The following PRSS50 variants were observed in gnomAD, a reference collection of about 807,000 sequenced individuals.
PRSS50 encodes serine protease 50, also known as probable threonine protease PRSS50.
Under a neutral mutation model 34.2 loss-of-function variants are expected in PRSS50, and 23 were observed. The observed-to-expected ratio is 0.67, with a 90% confidence interval of 0.48 to 0.95. The LOEUF (loss-of-function observed/expected upper bound fraction) is 0.95. PRSS50 is among the 40% of genes least tolerant of loss of function. The probability of loss-of-function intolerance (pLI) is 0.00; values close to 1 mark genes in which losing one functional copy is unlikely to be tolerated. For synonymous variants in PRSS50, 224 were observed against 211.2 expected, an observed-to-expected ratio of 1.06 and a Z score of -0.53; for missense variants, 484 against 513.4, an observed-to-expected ratio of 0.94 and a Z score of 0.55.
chr3:46,714,122 AG>A (rs1409064988), intron 4 of PRSS50, 95 bp downstream of exon 4: 11 of 1,461,290 alleles, frequency 7.5e-6, no homozygotes, highest in African/African-American at 2.8e-5. Context: ...TCCCTGGGGA[AG>A]GTGCCTCAGA....
chr3:46,712,763 A>T (rs557168192), intron 5 of PRSS50, 138 bp downstream of exon 5: 2 of 761,438 alleles, frequency 2.6e-6, no homozygotes, highest in Admixed American at 7.3e-5. Context: ...CTCCCCCGAC[A>T]TCCTCCATCC....
In PRSS50 at chr3:46,712,162, ACT is replaced by A; in HGVS notation, c.*82_*83del. On this transcript the variant is annotated 3_prime_UTR_variant, in exon 6 of 6. Transcript: ENST00000315170. ...AATTGAGCACCTCATCTCCACCCTG[ACT>A]CTCAGGGCTGTGACAGCTGCACCCA... is the stretch of plus-strand genomic sequence containing the variant. The A allele has an allele frequency of 1.7e-6, 2 of 1,194,316 alleles. No individual in the cohort carries two copies. The highest frequency in any genetic ancestry group is 2.4e-6 in the Non-Finnish European group (2 of 843,642). 74.0% of individuals were successfully genotyped at this position (1,194,316 alleles called of 1,614,324 possible).
intron 5 of PRSS50, 129 bp downstream of exon 5, chr3:46,712,772 C>T: frequency 9.7e-7 from 1 of 1,029,276 alleles, no homozygotes; most frequent in South Asian, 1.6e-5. Context: ...CATCCTCCAT[C>T]CCCATATCCC....
intron 4 of PRSS50, among the ~76,000 whole-genome samples, chr3:46,713,515 C>A (rs73063653): frequency 0.063 from 9,637 of 152,300 alleles, 399 homozygotes; most frequent in East Asian, 0.13. Flanking sequence ...GGCCTAAGCT[C>A]CTGGGAGACA....
rs1416164198 is a variant in PRSS50 at position 46,716,088 on chromosome 3, C to T, written c.308-391G>A. On this transcript the variant is annotated intron_variant, in intron 2 of 5. Transcript: ENST00000315170. This position sits in a 1 kb window ranked among gnomAD's most constrained non-coding sequence, Gnocchi z 4.4. ...CAGCCAAGGCAGAGCTCTCTCCCTC[C>T]TCTGGGAACCCCTTTCTGTGGCTCA... Among the ~76,000 whole-genome samples, 1 of 152,214 alleles carries T rather than the reference C, an allele frequency of 6.6e-6. No homozygotes were observed. Among genetic ancestry groups the T allele is most frequent in the Non-Finnish European group, 1.5e-5 (1 of 68,044 alleles).
chr3:46,714,663 G>A (rs1371138928), intron 3 of PRSS50, among the ~76,000 whole-genome samples, 162 bp from the exon 4 acceptor site: 4 of 152,066 alleles, frequency 2.6e-5, no homozygotes, highest in Non-Finnish European at 4.4e-5. Flanking sequence ...ACATGAACAG[G>A]GCCCTGCACA....
chr3:46,712,992 T>G lies in PRSS50; in HGVS notation c.830A>C (p.Tyr277Ser). The G allele has an allele frequency of 6.2e-7, 1 of 1,614,132 alleles. No homozygotes were observed. Among genetic ancestry groups the G allele is most frequent in the Non-Finnish European group, 8.5e-7 (1 of 1,180,008 alleles). ...ILNNKECDNF[Y>S]HNFTKIPTLV... The stretch of plus-strand genomic sequence containing the variant: ...AGTGGGGATTTTGGTGAAGTTGTGG[T>G]AGAAATTGTCACACTCTTTGTTGTT... The change falls in exon 5 of 6, where the codon TAC becomes TCC. Residue 277 changes from tyrosine (Y) to serine (S), a missense_variant. By Grantham distance (144) the Tyr-to-Ser change is moderately radical. Coordinates refer to ENST00000315170, the MANE Select transcript of PRSS50 (RefSeq NM_013270.5).
At chr3:46,714,118 G>A in intron 4 of PRSS50, 100 bp downstream of exon 4, 2 of 1,453,908 alleles carry the variant, frequency 1.4e-6, no homozygotes, top group East Asian at 2.4e-5. Flanking sequence ...AGGCTCCCTG[G>A]GGAAGGTGCC....
chr3:46,714,250 G>A lies in PRSS50; in HGVS notation c.722C>T (p.Thr241Ile). 6.2e-7 allele frequency: 1 copy of A among 1,614,134 alleles called. No individual in the cohort carries two copies. The highest frequency in any genetic ancestry group is 8.5e-7 in the Non-Finnish European group (1 of 1,180,038). ...DYVLKDHSRC[T>I]VTGWGLSKAD... ...CTTGGAAAGTCCCCAGCCCGTCACA[G>A]TGCAGCGGGAATGGTCCTTCAACAC... Residue 241 changes from threonine (T) to isoleucine (I), a missense_variant, in exon 4 of 6, where the codon ACT becomes ATT. Coordinates refer to ENST00000315170, the MANE Select transcript of PRSS50 (RefSeq NM_013270.5).
In PRSS50 at chr3:46,712,939, T is replaced by C. The variant is rs1372910442; in HGVS notation, c.883A>G (p.Met295Val). 2 of 1,614,026 alleles carry C rather than the reference T, an allele frequency of 1.2e-6. No homozygotes were observed. The highest frequency in any genetic ancestry group is 3.3e-5 in the Admixed American group (2 of 59,994). The change falls in exon 5 of 6, where the codon ATG becomes GTG. Residue 295 changes from methionine to valine, a missense_variant. Coordinates refer to ENST00000315170, the MANE Select transcript of PRSS50 (RefSeq NM_013270.5). ...TCCCTGTGGGTGTCCTCCGCACACA[T>C]CATCTGGGACTTGATGATCTGAACC... is the stretch of plus-strand genomic sequence containing the variant. ...TLVQIIKSQM[M>V]CAEDTHREKF...
chr3:46,714,164 C>T (rs1420466678), intron 4 of PRSS50, 54 bp downstream of exon 4: 4 of 1,578,024 alleles, frequency 2.5e-6, no homozygotes, highest in South Asian at 1.2e-5. Context: ...CCCTGGCCTG[C>T]ACCCACGTCC....
Position 46,717,843 on chromosome 3 carries a change from T to C in PRSS50, c.-19A>G. On this transcript the variant is annotated 5_prime_UTR_variant, in exon 1 of 6. Transcript: ENST00000315170. The surrounding 1 kb of genome is among the most constrained non-coding windows in gnomAD (Gnocchi z 4.5). ...GACCCATCCCGGGGTGGCAGCCGAC[T>C]GCGTCTCTCCGGAAGGCGCTCCCAG... is the stretch of plus-strand genomic sequence containing the variant. 6.8e-7 allele frequency: 1 copy of C among 1,479,654 alleles called. No individual in the cohort carries two copies. Among genetic ancestry groups the C allele is most frequent in the Non-Finnish European group, 8.9e-7 (1 of 1,117,668 alleles). The allele number at this position is 1,479,654 out of a possible 1,614,324, so 91.7% of individuals were successfully genotyped here.
At position 46,715,793 on chromosome 3, in the gene PRSS50, AC is replaced by A; in HGVS notation, c.308-97del. On this transcript the variant is annotated intron_variant, in intron 2 of 5. Coordinates refer to ENST00000315170, the MANE Select transcript of PRSS50 (RefSeq NM_013270.5). The surrounding 1 kb of genome is among the most constrained non-coding windows in gnomAD (Gnocchi z 5.2). Reference sequence around the variant, plus strand: ...CGTGCCTCTCCAGCCACTGGCCTGCACCCATCCAGGGGTGCTCCCTTTTCAC... The same window carrying A: ...CGTGCCTCTCCAGCCACTGGCCTGCACCATCCAGGGGTGCTCCCTTTTCAC... The A allele has an allele frequency of 7.3e-7, 1 of 1,368,470 alleles. No individual in the cohort carries two copies. Among genetic ancestry groups the A allele is most frequent in the Non-Finnish European group, 9.9e-7 (1 of 1,006,182 alleles). The allele number at this position is 1,368,470 out of a possible 1,614,324, so 84.8% of individuals were successfully genotyped here.
rs777210561 is a variant in PRSS50, at chr3:46,712,204, C to T, written c.*42G>A. 4.4e-5 allele frequency: 68 copies of T among 1,529,578 alleles called. No homozygotes were observed. Among genetic ancestry groups the T allele is most frequent in the South Asian group, 5.9e-5 (5 of 84,354 alleles). The allele number at this position is 1,529,578 out of a possible 1,614,324, so 94.8% of individuals were successfully genotyped here. ...AGCTGCACCCACAGCAACCTGGGCA[C>T]GGAGGCAAGGGGGGCCCACAAGTGA... On this transcript the variant is annotated 3_prime_UTR_variant, in exon 6 of 6. Coordinates refer to ENST00000315170, the MANE Select transcript of PRSS50 (RefSeq NM_013270.5).
chr3:46,716,523 A>G lies in PRSS50; in HGVS notation c.308-826T>C, dbSNP rs1700685887. ...AAGTGATCTTACTGCCTCAGCCTCC[A>G]AAAGCGCTGGGATTATAAGCATGAC... is the stretch of plus-strand genomic sequence containing the variant. On this transcript the variant is annotated intron_variant, in intron 2 of 5. Transcript: ENST00000315170. The surrounding 1 kb of genome is among the most constrained non-coding windows in gnomAD (Gnocchi z 4.4). Among the ~76,000 whole-genome samples, 3 of 152,096 alleles carry G rather than the reference A, an allele frequency of 2.0e-5. No individual in the cohort carries two copies. The South Asian group carries it at 6.2e-4, about 32-fold the overall frequency.
Position 46,717,347 on chromosome 3 carries a change from G to T in PRSS50, c.307+90C>A. 6.9e-7 allele frequency: 1 copy of T among 1,444,760 alleles called. No individual in the cohort carries two copies. Among genetic ancestry groups the T allele is most frequent in the Non-Finnish European group, 9.6e-7 (1 of 1,042,708 alleles). 89.5% of individuals were successfully genotyped at this position (1,444,760 alleles called of 1,614,324 possible). A position where few individuals can be genotyped will look rare whatever the true frequency, so the allele number is the denominator to read the frequency against. On this transcript the variant is annotated intron_variant, in intron 2 of 5. Coordinates refer to ENST00000315170, the MANE Select transcript of PRSS50 (RefSeq NM_013270.5). This position sits in a 1 kb window ranked among gnomAD's most constrained non-coding sequence, Gnocchi z 4.5. ...GCGCTCCTCTATCCTGCTCGCCCCC[G>T]TCCCTTCTGCTCCCCTAGCCCCAGC...
Position 46,717,402 on chromosome 3 carries a change from C to A in PRSS50, c.307+35G>T. On this transcript the variant is annotated intron_variant, in intron 2 of 5. Coordinates refer to ENST00000315170, the MANE Select transcript of PRSS50 (RefSeq NM_013270.5). This position sits in a 1 kb window ranked among gnomAD's most constrained non-coding sequence, Gnocchi z 4.5. Reference sequence around the variant, plus strand: ...GTCCTTAAGACTCCTCTGTCACCCTCCTTGCCCCACGGAGTCTACACCCCT... The same window carrying A: ...GTCCTTAAGACTCCTCTGTCACCCTACTTGCCCCACGGAGTCTACACCCCT... 1 of 1,607,668 alleles carries A rather than the reference C, an allele frequency of 6.2e-7. No homozygotes were observed. Among genetic ancestry groups the A allele is most frequent in the Non-Finnish European group, 8.5e-7 (1 of 1,174,886 alleles).
In PRSS50 at chr3:46,717,622, C is replaced by A. The variant is rs551265169; in HGVS notation, c.122G>T (p.Gly41Val). 1.2e-6 allele frequency: 2 copies of A among 1,613,012 alleles called. No homozygotes were observed. Among genetic ancestry groups the A allele is most frequent in the Non-Finnish European group, 1.7e-6 (2 of 1,179,628 alleles). The change falls in exon 2 of 6, where the codon GGG (glycine) becomes GTG (valine). Residue 41 changes from glycine to valine, a missense_variant. Transcript: ENST00000315170. The surrounding 1 kb of genome is among the most constrained non-coding windows in gnomAD (Gnocchi z 4.5). ...LLRSAGCWGA[G>V]EAPGALSTAD... ...AGTGGACAGCGCCCCCGGGGCTTCC[C>A]CTGCGCCCCAGCAACCTGCGGAGGA... is the stretch of plus-strand genomic sequence containing the variant.
Position 46,717,697 on chromosome 3 carries a change from G to A in PRSS50, c.106+22C>T, listed in dbSNP as rs1017722557. On this transcript the variant is annotated intron_variant, in intron 1 of 5. Coordinates refer to ENST00000315170, the MANE Select transcript of PRSS50 (RefSeq NM_013270.5). This position sits in a 1 kb window ranked among gnomAD's most constrained non-coding sequence, Gnocchi z 4.5. Reference sequence around the variant, plus strand: ...GCGAGGGCCGCGTCAGGCGGGTGGGGTAGGGATCGGGAGGGACTCACCTGC... The same window carrying A: ...GCGAGGGCCGCGTCAGGCGGGTGGGATAGGGATCGGGAGGGACTCACCTGC... 2.2e-5 allele frequency: 35 copies of A among 1,597,860 alleles called. No individual in the cohort carries two copies. Among genetic ancestry groups the A allele is most frequent in the Non-Finnish European group, 3.0e-5 (35 of 1,172,544 alleles).
Sources: gnomAD v4.1 joint callset for allele counts (sites outside exome capture counted in the v4.1 genomes callset) on GRCh38, gnomAD v4.1.1 for gene constraint, Gnocchi (gnomAD v3.1) non-coding constraint, MANE v1.5 for transcripts, NCBI Gene and HGNC (gene_info 2026-07-23, HGNC 2026-07-21) for gene names.